Variants in DGKH observed in about 807,000 individuals in gnomAD.
DGKH encodes the protein DAG kinase eta.
A neutral mutation model predicts 159.3 loss-of-function variants in DGKH; 90 were observed. The observed-to-expected ratio is 0.57, with a 90% CI of 0.48 to 0.67. DGKH has a LOEUF of 0.67. DGKH is among the 30% of genes least tolerant of loss of function. The probability of loss-of-function intolerance (pLI) is 0.00; values close to 1 mark genes in which losing one functional copy is unlikely to be tolerated. For synonymous variants in DGKH, 536 were observed against 553.8 expected, an observed-to-expected ratio of 0.97 and a Z score of 0.45; for missense variants, 1,181 against 1,506.1, an observed-to-expected ratio of 0.78 and a Z score of 3.57.
rs73172208 is a variant in DGKH, at chr13:42,224,720, C to T, written c.3573+3326C>T. Among the ~76,000 whole-genome samples, 1,212 of 152,174 alleles carry T rather than the reference C, an allele frequency of 8.0e-3. 11 individuals carry two copies. Among genetic ancestry groups the T allele is most frequent in the Non-Finnish European group, 0.012 (824 of 67,996 alleles). ...TGCTCCATTCATCCTGGCCTTATTT[C>T]AGTTGCTTAAAAATTCTATACTTTT... On this transcript the variant is annotated intron_variant, in intron 29 of 29. Coordinates refer to ENST00000337343, the MANE Select transcript of DGKH (RefSeq NM_178009.5).
At chr13:42,210,504 C>CATTAGAG (rs1957625350) in intron 23 of DGKH, 98 bp from the exon 24 acceptor site, 15 of 1,173,750 alleles carry the variant, frequency 1.3e-5, no homozygotes, top group Non-Finnish European at 1.8e-5. Context: ...TTTGAGGAGT[C>CATTAGAG]ATTAGAGAAA....
At chr13:42,199,460 T>C (rs1957294218) in intron 18 of DGKH, 106 bp from the exon 19 acceptor site, 1 of 735,514 alleles carries the variant, frequency 1.4e-6, no homozygotes, top group Non-Finnish European at 2.2e-6. Context: ...TACAATCTGC[T>C]ATAAAATGAA....
chr13:42,117,588 T>A (rs527712005), intron 1 of DGKH, among the ~76,000 whole-genome samples: 1 of 152,210 alleles, frequency 6.6e-6, no homozygotes, highest in East Asian at 1.9e-4. Flanking sequence ...AATTTAAAAT[T>A]AGCTGTTTGT....
chr13:42,053,728 C>T (rs1593955271), intron 1 of DGKH, among the ~76,000 whole-genome samples: 1 of 151,758 alleles, frequency 6.6e-6, no homozygotes, highest in African/African-American at 2.4e-5. Flanking sequence ...AAGCAATTCT[C>T]CTGTCTCAGC....
In DGKH at chr13:42,048,839, C is replaced by T. The variant is rs777864534; in HGVS notation, c.66C>T (p.Gly22=). ...CTGGAGGAGCGGCCGCCGGAGCCGG[C>T]GCCGCGGTCACCTCCGCCGCTGCCT... The part of the protein sequence containing the change: ...GAAGGAAAGA[G]AAVTSAAASA... Residue 22 remains glycine (G), a synonymous_variant, in exon 1 of 30, where the codon GGC becomes GGT. Transcript: ENST00000337343. This position sits in a 1 kb window ranked among gnomAD's most constrained non-coding sequence, Gnocchi z 6.7. 8.5e-5 allele frequency: 115 copies of T among 1,351,248 alleles called. No homozygotes were observed. Among genetic ancestry groups the T allele is most frequent in the Admixed American group, 6.1e-4 (16 of 26,246 alleles). The allele number at this position is 1,351,248 out of a possible 1,614,324, so 83.7% of individuals were successfully genotyped here.
intron 1 of DGKH, among the ~76,000 whole-genome samples, chr13:42,054,462 C>T (rs983052398): frequency 6.6e-6 from 1 of 152,198 alleles, no homozygotes; most frequent in African/African-American, 2.4e-5. Context: ...GCAATTAACA[C>T]ACATCCAGGT....
chr13:42,219,915 A>G, intron 28 of DGKH, 121 bp downstream of exon 28: 1 of 758,876 alleles, frequency 1.3e-6, no homozygotes, highest in Non-Finnish European at 2.2e-6. Flanking sequence ...GTGCAGTATG[A>G]TGAACATACT....
In DGKH at chr13:42,094,124, G is replaced by C. The variant is rs140892683; in HGVS notation, c.193-33339G>C. On this transcript the variant is annotated intron_variant, in intron 1 of 29. Coordinates refer to ENST00000337343, the MANE Select transcript of DGKH (RefSeq NM_178009.5). Reference sequence around the variant, plus strand: ...CACACACTGGGGCCTGTTGTGGGTTGGGGGGAGGGGGGAGGGATAGCATTA... The same window carrying C: ...CACACACTGGGGCCTGTTGTGGGTTCGGGGGAGGGGGGAGGGATAGCATTA... Among the ~76,000 whole-genome samples, 44 of 131,122 alleles carry C rather than the reference G, an allele frequency of 3.4e-4. 1 individual carries two copies. The highest frequency in any genetic ancestry group is 5.6e-4 in the Non-Finnish European group (35 of 62,450). The allele number at this position is 131,122 out of a possible 152,430, so 86.0% of individuals were successfully genotyped here.
chr13:42,100,285 T>G (rs1489150985), intron 1 of DGKH, among the ~76,000 whole-genome samples: 1 of 152,210 alleles, frequency 6.6e-6, no homozygotes. Flanking sequence ...CTGTCTCCCA[T>G]CAGCCCCAGA....
rs1555266589 is a variant in DGKH, at chr13:42,151,515, G to GTATATATATACACGTGTATATA, written c.385-3767_385-3746dup. On this transcript the variant is annotated intron_variant, in intron 3 of 29. Coordinates refer to ENST00000337343, the MANE Select transcript of DGKH (RefSeq NM_178009.5). ...TGTGTGTGTGTGTGTGTATACACATGTATATATATACACGTGTATATATAT... is the reference window on the plus strand; with the variant it reads ...TGTGTGTGTGTGTGTGTATACACATGTATATATATACACGTGTATATATATATATATACACGTGTATATATAT... 7.6e-4 allele frequency among the ~76,000 whole-genome samples: 77 copies of GTATATATATACACGTGTATATA among 100,956 alleles called. 1 individual carries two copies. The highest frequency in any genetic ancestry group is 9.9e-4 in the Admixed American group (9 of 9,130). The allele number at this position is 100,956 out of a possible 152,430, so 66.2% of individuals were successfully genotyped here.
At chr13:42,159,829 C>G (rs1228525821) in intron 6 of DGKH, among the ~76,000 whole-genome samples, 182 bp from the exon 7 acceptor site, 2 of 152,136 alleles carry the variant, frequency 1.3e-5, no homozygotes, top group Admixed American at 6.5e-5. Context: ...AAGCTTTTAC[C>G]TTACTTTTAT....
chr13:42,110,725 A>C (rs1156993848), intron 1 of DGKH, among the ~76,000 whole-genome samples: 1 of 144,592 alleles, frequency 6.9e-6, no homozygotes, highest in Non-Finnish European at 1.5e-5. Flanking sequence ...TGAGAAAGAA[A>C]ATCCTAATCA....
At chr13:42,245,551 T>C (rs1359325638), downstream of DGKH, among the ~76,000 whole-genome samples, 1 of 152,098 alleles carries the variant, frequency 6.6e-6, no homozygotes, top group African/African-American at 2.4e-5. Flanking sequence ...AAGTTGGTTA[T>C]CCACACCCTT....
rs191877252 is a variant in DGKH at position 42,079,283 on chromosome 13, T to G, written c.192+30318T>G. ...GTATATGCACAAAGTTATTTGTATATTTTTAAAAAATATATACCAAGTTAT... is the reference window on the plus strand; with the variant it reads ...GTATATGCACAAAGTTATTTGTATAGTTTTAAAAAATATATACCAAGTTAT... On this transcript the variant is annotated intron_variant, in intron 1 of 29. Transcript: ENST00000337343. 5.1e-4 allele frequency among the ~76,000 whole-genome samples: 78 copies of G among 152,254 alleles called. 2 individuals are homozygous for G. In the Middle Eastern group the frequency reaches 0.037, roughly 73 times the overall value.
At chr13:42,100,679 T>G (rs1954636349) in intron 1 of DGKH, among the ~76,000 whole-genome samples, 1 of 152,228 alleles carries the variant, frequency 6.6e-6, no homozygotes, top group Admixed American at 6.5e-5. Context: ...ATAAAACATC[T>G]CATTTACACA....
intron 29 of DGKH, 118 bp downstream of exon 29, chr13:42,221,512 C>T: frequency 7.6e-7 from 1 of 1,315,584 alleles, no homozygotes; most frequent in Non-Finnish European, 1.0e-6. Context: ...TGTGTAGTAA[C>T]CTAACATTCA....
rs1167609870 is a variant in DGKH at position 42,175,316 on chromosome 13, A to G, written c.1452+1172A>G. On this transcript the variant is annotated intron_variant, in intron 12 of 29. Transcript: ENST00000337343. ...AAAAATTTGGGAAATACAAAATTAT[A>G]TGAAAAAGAAAATAAAATCACCTGT... Among the ~76,000 whole-genome samples the G allele has an allele frequency of 8.5e-5, 13 of 152,364 alleles. 1 individual carries two copies. In the East Asian group the frequency reaches 2.5e-3, roughly 29 times the overall value.
At chr13:42,076,315 C>G (rs552835297) in intron 1 of DGKH, among the ~76,000 whole-genome samples, 3 of 152,264 alleles carry the variant, frequency 2.0e-5, no homozygotes, top group Admixed American at 2.0e-4. Flanking sequence ...AATTATTACA[C>G]AGAGAGAAAT....
At chr13:42,180,559 C>T (rs886169379) in intron 13 of DGKH, among the ~76,000 whole-genome samples, 2 of 152,194 alleles carry the variant, frequency 1.3e-5, no homozygotes, top group Non-Finnish European at 2.9e-5. Context: ...ACGTTTTACC[C>T]GATTACATTT....
Sources: gnomAD v4.1 joint callset for allele counts (sites outside exome capture counted in the v4.1 genomes callset) on GRCh38, gnomAD v4.1.1 for gene constraint, Gnocchi (gnomAD v3.1) non-coding constraint, MANE v1.5 for transcripts, NCBI Gene and HGNC (gene_info 2026-07-23, HGNC 2026-07-21) for gene names.